Variants in TMF1 observed in about 807,000 individuals in gnomAD.
TMF1 encodes the protein TATA element modulatory factor.
TMF1 carries 71 observed loss-of-function variants against 126.5 expected under a neutral mutation model. The observed-to-expected ratio is 0.56, with a 90% CI of 0.46 to 0.68. TMF1 has a LOEUF of 0.68. TMF1 is among the 30% of genes least tolerant of loss of function. The pLI is 0.00. For synonymous variants in TMF1, 461 were observed against 430.5 expected (o/e 1.07, Z -0.88); for missense variants, 1,259 against 1,253.2 (o/e 1.00, Z -0.07).
At chr3:69,035,544 A>T (rs2091827079) in intron 8 of TMF1, 1 of 154,950 alleles carries the variant, frequency 6.5e-6, no homozygotes, top group Non-Finnish European at 1.4e-5. Flanking sequence ...TTAAAGAATC[A>T]TCAAACTTCT....
chr3:69,042,091 C>A (rs151086880), intron 5 of TMF1, among the ~76,000 whole-genome samples: 1 of 152,086 alleles, frequency 6.6e-6, no homozygotes, highest in Admixed American at 6.6e-5. Context: ...GGCTGCAGTA[C>A]AGTGGCGTGA....
Position 69,039,681 on chromosome 3 carries a change from G to A in TMF1, c.1697C>T (p.Ser566Leu). The A allele has an allele frequency of 6.2e-7, 1 of 1,609,328 alleles. No individual in the cohort carries two copies. The highest frequency in any genetic ancestry group is 8.5e-7 in the Non-Finnish European group (1 of 1,178,584). Residue 566 changes from serine to leucine, a missense_variant, in exon 6 of 17, where the codon TCA becomes TTA. Coordinates refer to ENST00000398559, the MANE Select transcript of TMF1 (RefSeq NM_007114.3). ...GTTAGAATTGTGCAGCTGCTGTTTTGAAAGTTTTTCTCCTGGTGATGGTAA... is the reference window on the plus strand; with the variant it reads ...GTTAGAATTGTGCAGCTGCTGTTTTAAAAGTTTTTCTCCTGGTGATGGTAA... The part of the protein sequence containing the change: ...RGLMEEGEKL[S>L]KQQLHNSNII...
chr3:69,030,167 C>T, intron 10 of TMF1, 160 bp from the exon 11 acceptor site: 1 of 530,074 alleles, frequency 1.9e-6, no homozygotes, highest in South Asian at 3.4e-5. Flanking sequence ...GACAAATGAA[C>T]CAATCTTAAC....
intron 10 of TMF1, among the ~76,000 whole-genome samples, 184 bp downstream of exon 10, chr3:69,033,364 G>T (rs926190804): frequency 6.6e-6 from 1 of 151,636 alleles, no homozygotes; most frequent in Non-Finnish European, 1.5e-5. Flanking sequence ...GGAAAAAATG[G>T]TTTGAAAGAG....
intron 8 of TMF1, chr3:69,035,322 TTC>T (rs1360259036): frequency 1.8e-6 from 1 of 546,500 alleles, no homozygotes; most frequent in Non-Finnish European, 3.2e-6. Flanking sequence ...TAGAAAAGCA[TTC>T]TGTTAAGGCA....
intron 14 of TMF1, 76 bp downstream of exon 14, chr3:69,025,920 C>G: frequency 7.6e-7 from 1 of 1,314,624 alleles, no homozygotes; most frequent in South Asian, 1.3e-5. Flanking sequence ...GTCATGATGA[C>G]AGACAATATT....
At chr3:69,033,847 T>G (rs2091818003) in intron 9 of TMF1, 143 bp from the exon 10 acceptor site, 13 of 788,270 alleles carry the variant, frequency 1.6e-5, no homozygotes, top group Non-Finnish European at 2.4e-5. Context: ...TTATTAATTT[T>G]AGAAACGGGG....
At position 69,047,655 on chromosome 3, in the gene TMF1, G is replaced by A. The variant is rs185312468; in HGVS notation, c.1050C>T (p.Gly350=). The change falls in exon 2 of 17, where the codon GGC becomes GGT. Residue 350 remains glycine, a synonymous_variant. Coordinates refer to ENST00000398559, the MANE Select transcript of TMF1 (RefSeq NM_007114.3). ...TAATAGGCACTAAAGCATATCCCTT[G>A]CCTGACAATTCATCATCTGAATTGA... ...SEINSDDELS[G]KGYALVPIIV... 1.3e-3 allele frequency: 2,083 copies of A among 1,614,036 alleles called. 2 individuals carry two copies. The highest frequency in any genetic ancestry group is 1.7e-3 in the Non-Finnish European group (1,964 of 1,179,982).
At chr3:69,024,535 C>T (rs2091756289) in intron 15 of TMF1, 1 of 165,630 alleles carries the variant, frequency 6.0e-6, no homozygotes. Context: ...TTTAACGTAG[C>T]CCCACCTGTG....
chr3:69,039,301 C>A (rs2091850405), intron 6 of TMF1, among the ~76,000 whole-genome samples: 1 of 152,116 alleles, frequency 6.6e-6, no homozygotes, highest in African/African-American at 2.4e-5. Context: ...AGGGTTTCGC[C>A]TTGTTGACCG....
rs1444903611 is a variant in TMF1, at chr3:69,022,641, GA to G, written c.*535del. The G allele has an allele frequency of 2.6e-5, 4 of 152,026 alleles. No homozygotes were observed. The highest frequency in any genetic ancestry group is 1.9e-4 in the East Asian group (1 of 5,184). 9.4% of individuals were successfully genotyped at this position (152,026 alleles called of 1,614,324 possible). A position where few individuals can be genotyped will look rare whatever the true frequency, so the allele number is the denominator to read the frequency against. ...GTCAGTGTGACTCTTACTTTTAAAG[GA>G]AAAAAATTAGTTTAAAATTTAATAG... On this transcript the variant is annotated 3_prime_UTR_variant, in exon 17 of 17. Coordinates refer to ENST00000398559, the MANE Select transcript of TMF1 (RefSeq NM_007114.3).
chr3:69,025,686 T>C lies in TMF1; in HGVS notation c.2886A>G (p.Gly962=). 2.5e-6 allele frequency: 4 copies of C among 1,613,990 alleles called. No individual in the cohort carries two copies. The East Asian group carries it at 8.9e-5, about 36-fold the overall frequency. ...TTCCATTTGCTGATATAGGCATTGG[T>C]CCAAATGAGTGATCATGAGACTCAT... is the stretch of plus-strand genomic sequence containing the variant. ...SQDESHDHSF[G]PMPISANGSN... is the part of the protein sequence containing the mutation. Residue 962 remains glycine, a synonymous_variant, in exon 15 of 17, where the codon GGA becomes GGG. Coordinates refer to ENST00000398559, the MANE Select transcript of TMF1 (RefSeq NM_007114.3).
rs1471506545 is a variant in TMF1 at position 69,029,772 on chromosome 3, T to C, written c.2594+43A>G. 2.7e-5 allele frequency: 42 copies of C among 1,537,936 alleles called. No homozygotes were observed. The Admixed American group carries it at 8.1e-4, about 30-fold the overall frequency. ...CATACTTTTAAAAAGTGCTTTAGGA[T>C]GTCACGGAACTACCAAAAATATCAC... is the stretch of plus-strand genomic sequence containing the variant. On this transcript the variant is annotated intron_variant, in intron 11 of 16. Coordinates refer to ENST00000398559, the MANE Select transcript of TMF1 (RefSeq NM_007114.3).
In TMF1 at chr3:69,026,088, G is replaced by C; in HGVS notation, c.2767C>G (p.Pro923Ala). 3 of 1,613,558 alleles carry C rather than the reference G, an allele frequency of 1.9e-6. No individual in the cohort carries two copies. The highest frequency in any genetic ancestry group is 2.5e-6 in the Non-Finnish European group (3 of 1,179,672). The change falls in exon 14 of 17, where the codon CCA (proline) becomes GCA (alanine). Residue 923 changes from proline to alanine, a missense_variant. By Grantham distance (27) the Pro-to-Ala change is conservative. Transcript: ENST00000398559. ...QETIKEKERK[P>A]FSVSSTPTMS... ...GTGGGAGTGCTAGAAACAGAAAATG[G>C]CTTGCGTTCCTTAGGGAGTAAAAAA...
At chr3:69,035,831 T>C (rs2091828510) in intron 8 of TMF1, among the ~76,000 whole-genome samples, 1 of 152,102 alleles carries the variant, frequency 6.6e-6, no homozygotes. Flanking sequence ...ACATCAATTA[T>C]GAAAAACACA....
chr3:69,030,863 A>G (rs2091797456), intron 10 of TMF1, among the ~76,000 whole-genome samples: 1 of 152,234 alleles, frequency 6.6e-6, no homozygotes, highest in Admixed American at 6.5e-5. Flanking sequence ...TTTCTTAAAA[A>G]CACTAAACAT....
rs764841393 is a variant in TMF1 at position 69,048,331 on chromosome 3, G to T, written c.374C>A (p.Pro125Gln). ...TAAGCTGCTTTTCACTTCTTCTTCT[G>T]GTCGTTGTGATTTTGCTGGAGGTTT... ...VSKPPAKSQR[P>Q]EEEVKSSLHE... Residue 125 changes from proline (P) to glutamine (Q), a missense_variant, in exon 2 of 17, where the codon CCA becomes CAA. Coordinates refer to ENST00000398559, the MANE Select transcript of TMF1 (RefSeq NM_007114.3). The T allele has an allele frequency of 6.2e-7, 1 of 1,614,138 alleles. No homozygotes were observed.
chr3:69,023,396 C>T lies in TMF1; in HGVS notation c.3139-76G>A, dbSNP rs957141951. The T allele has an allele frequency of 6.6e-6, 8 of 1,216,212 alleles. No homozygotes were observed. In the African/African-American group the frequency reaches 1.1e-4, roughly 17 times the overall value. 75.3% of individuals were successfully genotyped at this position (1,216,212 alleles called of 1,614,324 possible). A position where few individuals can be genotyped will look rare whatever the true frequency, so the allele number is the denominator to read the frequency against. ...TTAATATTTATATTGCCATAGGAGT[C>T]AACAATGAAAACACTACAATTTAAA... On this transcript the variant is annotated intron_variant, in intron 16 of 16. Transcript: ENST00000398559.
At chr3:69,034,684 G>A (rs139572312) in intron 9 of TMF1, among the ~76,000 whole-genome samples, 40 of 152,186 alleles carry the variant, frequency 2.6e-4, no homozygotes, top group African/African-American at 9.6e-4. Flanking sequence ...ATAAATGACT[G>A]AAAATTAACA....
Sources: gnomAD v4.1 joint callset for allele counts (sites outside exome capture counted in the v4.1 genomes callset) on GRCh38, gnomAD v4.1.1 for gene constraint, MANE v1.5 for transcripts, NCBI Gene and HGNC (gene_info 2026-07-23, HGNC 2026-07-21) for gene names.